METAP1D: variants seen among roughly 807,000 people sequenced by gnomAD.
The protein encoded by METAP1D is methionyl aminopeptidase type 1D, mitochondrial.
METAP1D carries 31 observed loss-of-function variants against 40.5 expected under a neutral mutation model. That is an observed-to-expected ratio of 0.77 (90% CI 0.58 to 1.03). METAP1D has a LOEUF of 1.03. Among genes scored for constraint, METAP1D ranks in the 50% least tolerant of loss-of-function variants. The probability of loss-of-function intolerance (pLI) is 0.00; values close to 1 mark genes in which losing one functional copy is unlikely to be tolerated. For synonymous variants in METAP1D, 151 were observed against 146.4 expected, an observed-to-expected ratio of 1.03 and a Z score of -0.22; for missense variants, 411 against 420.7, an observed-to-expected ratio of 0.98 and a Z score of 0.20.
chr2:172,034,986 C>CTTTTTTTTTTT (rs66853451), intron 1 of METAP1D, among the ~76,000 whole-genome samples: 1 of 135,594 alleles, frequency 7.4e-6, no homozygotes, highest in East Asian at 2.1e-4. Flanking sequence ...GAATTTTTTT[C>CTTTTTTTTTTT]TTTTTTTTTT....
intron 1 of METAP1D, among the ~76,000 whole-genome samples, chr2:172,015,380 C>T (rs534585921): frequency 2.3e-3 from 352 of 152,088 alleles, no homozygotes; most frequent in African/African-American, 7.9e-3. Context: ...CCACTGCACT[C>T]GAGCCTGGGC....
intron 1 of METAP1D, among the ~76,000 whole-genome samples, chr2:172,041,698 A>T (rs2105435419): frequency 1.1e-5 from 1 of 91,594 alleles, no homozygotes; most frequent in East Asian, 2.2e-4. Flanking sequence ...GAATATAAAA[A>T]CGTTTTAATT....
At chr2:172,054,712 G>GA (rs1689964563) in intron 1 of METAP1D, among the ~76,000 whole-genome samples, 2 of 152,004 alleles carry the variant, frequency 1.3e-5, no homozygotes, top group Non-Finnish European at 2.9e-5. Context: ...TTTTAAATAT[G>GA]AAAAAATGTG....
At chr2:172,053,531 CTT>C (rs1689934578) in intron 1 of METAP1D, among the ~76,000 whole-genome samples, 1 of 152,170 alleles carries the variant, frequency 6.6e-6, no homozygotes, top group Admixed American at 6.5e-5. Flanking sequence ...GTTTTTCTCT[CTT>C]GGTAATCATA....
intron 1 of METAP1D, among the ~76,000 whole-genome samples, chr2:172,047,273 A>G (rs1689782669): frequency 1.3e-5 from 2 of 152,234 alleles, no homozygotes; most frequent in Non-Finnish European, 2.9e-5. Context: ...CATTTAAACA[A>G]TAAGGTTTGT....
At chr2:172,065,383 T>C (rs914255325) in intron 3 of METAP1D, among the ~76,000 whole-genome samples, 1 of 152,208 alleles carries the variant, frequency 6.6e-6, no homozygotes, top group African/African-American at 2.4e-5. Context: ...AACATTTCTA[T>C]TTCCTAATGG....
At chr2:172,060,448 C>T (rs1234722858) in intron 1 of METAP1D, among the ~76,000 whole-genome samples, 1 of 151,018 alleles carries the variant, frequency 6.6e-6, no homozygotes, top group Non-Finnish European at 1.5e-5. Context: ...GTCTTCCTCT[C>T]TACCTCTAGC....
intron 6 of METAP1D, chr2:172,072,569 C>T (rs1053183915): frequency 6.0e-6 from 1 of 165,696 alleles, no homozygotes; most frequent in African/African-American, 2.4e-5. Context: ...TTGTGCAACA[C>T]AGCTGCACAT....
chr2:172,005,786 C>T (rs1460869678), intron 1 of METAP1D, among the ~76,000 whole-genome samples: 3 of 151,800 alleles, frequency 2.0e-5, no homozygotes, highest in Non-Finnish European at 4.4e-5. Context: ...GATCCACCCA[C>T]CTCGGCCTCC....
At chr2:172,017,565 A>G (rs188228656) in intron 1 of METAP1D, among the ~76,000 whole-genome samples, 1 of 152,158 alleles carries the variant, frequency 6.6e-6, no homozygotes, top group African/African-American at 2.4e-5. Context: ...ATTACCAGAC[A>G]TGAAGTATGA....
intron 1 of METAP1D, among the ~76,000 whole-genome samples, chr2:172,026,316 T>G (rs1413249453): frequency 6.6e-6 from 1 of 152,202 alleles, no homozygotes; most frequent in Non-Finnish European, 1.5e-5. Context: ...GTTCCATCAC[T>G]TCCCTCCTGA....
intron 1 of METAP1D, among the ~76,000 whole-genome samples, chr2:172,036,186 G>C (rs746929659): frequency 2.7e-5 from 4 of 150,764 alleles, no homozygotes; most frequent in South Asian, 2.1e-4. Flanking sequence ...GCGTGGTGGC[G>C]GGTGCCTGTA....
intron 3 of METAP1D, among the ~76,000 whole-genome samples, chr2:172,064,576 T>C (rs1280693375): frequency 6.7e-6 from 1 of 148,816 alleles, no homozygotes; most frequent in Non-Finnish European, 1.5e-5. Context: ...GCCAAGATCA[T>C]GCTACTGTAC....
intron 1 of METAP1D, among the ~76,000 whole-genome samples, chr2:172,010,390 C>T (rs1000674532): frequency 6.6e-6 from 1 of 150,830 alleles, no homozygotes; most frequent in African/African-American, 2.4e-5. Flanking sequence ...GATTGGTCAG[C>T]CCACCTTGGC....
chr2:172,031,168 A>C (rs1249644296), intron 1 of METAP1D, among the ~76,000 whole-genome samples: 1 of 152,254 alleles, frequency 6.6e-6, no homozygotes, highest in African/African-American at 2.4e-5. Flanking sequence ...TTCTTGGAAC[A>C]TAAAATGTCC....
chr2:172,006,463 G>T (rs1174498381), intron 1 of METAP1D, among the ~76,000 whole-genome samples: 1 of 152,174 alleles, frequency 6.6e-6, no homozygotes, highest in East Asian at 1.9e-4. Flanking sequence ...GATTACAGGT[G>T]TGAGCCACTG....
chr2:172,027,096 T>C (rs1221306966), intron 1 of METAP1D, among the ~76,000 whole-genome samples: 3 of 152,222 alleles, frequency 2.0e-5, no homozygotes, highest in African/African-American at 7.2e-5. Context: ...GAATCATTCC[T>C]TTATTCAGCA....
chr2:172,015,266 G>A (rs1688829436), intron 1 of METAP1D, among the ~76,000 whole-genome samples: 1 of 152,110 alleles, frequency 6.6e-6, no homozygotes, highest in Non-Finnish European at 1.5e-5. Context: ...ACAAAAATTA[G>A]CCAGGCATGG....
chr2:172,037,472 T>TA (rs1689423465), intron 1 of METAP1D, among the ~76,000 whole-genome samples: 1 of 152,212 alleles, frequency 6.6e-6, no homozygotes. Context: ...TCACTTGTGA[T>TA]ATTAAACCTA....
Sources: gnomAD v4.1 joint callset for allele counts (sites outside exome capture counted in the v4.1 genomes callset) on GRCh38, gnomAD v4.1.1 for gene constraint, MANE v1.5 for transcripts, NCBI Gene and HGNC (gene_info 2026-07-23, HGNC 2026-07-21) for gene names.